NELL1: variants seen among roughly 807,000 people sequenced by gnomAD.
NELL1 encodes neural EGFL like 1.
A neutral mutation model predicts 107.4 loss-of-function variants in NELL1; 76 were observed. The ratio of observed to expected loss-of-function variants is 0.71; its 90% CI spans 0.59 to 0.86. The LOEUF is 0.86. NELL1 is among the 40% of genes least tolerant of loss of function. The pLI is 0.00. For missense variants in NELL1, 1,024 were observed against 1,005.5 expected (o/e 1.02, Z -0.25); for synonymous variants, 353 against 341.2 (o/e 1.03, Z -0.38).
rs570444032 is a variant in NELL1 at position 21,194,554 on chromosome 11, G to A, written c.1427-34778G>A. Among the ~76,000 whole-genome samples, 10 of 152,208 alleles carry A rather than the reference G, an allele frequency of 6.6e-5. No individual in the cohort carries two copies. In the East Asian group the frequency reaches 1.7e-3, roughly 26 times the overall value. On this transcript the variant is annotated intron_variant, in intron 13 of 19. Transcript: ENST00000357134. ...GATTTAATATGTGGCCAAGAAGACT[G>A]GGGTGCTAGTCCACACTCTGGATTC...
intron 1 of NELL1, among the ~76,000 whole-genome samples, chr11:20,677,311 G>C (rs972581901): frequency 6.6e-6 from 1 of 152,122 alleles, no homozygotes; most frequent in Admixed American, 6.6e-5. Flanking sequence ...GGTGTTTACT[G>C]GTGGTGGTGG....
chr11:20,759,394 T>A (rs1178251108), intron 2 of NELL1, among the ~76,000 whole-genome samples: 1 of 152,342 alleles, frequency 6.6e-6, no homozygotes, highest in African/African-American at 2.4e-5. Context: ...TTCTACTTAA[T>A]GCTGCTAATG....
At chr11:21,317,101 T>G (rs1849895721) in intron 14 of NELL1, among the ~76,000 whole-genome samples, 1 of 152,128 alleles carries the variant, frequency 6.6e-6, no homozygotes, top group African/African-American at 2.4e-5. Flanking sequence ...TCATAATAAT[T>G]AACACATATA....
intron 5 of NELL1, among the ~76,000 whole-genome samples, chr11:20,907,128 C>G (rs1046123435): frequency 6.6e-6 from 1 of 150,434 alleles, no homozygotes; most frequent in African/African-American, 2.4e-5. Context: ...TCAAAATCAA[C>G]TAACATTCTA....
chr11:20,985,506 A>G (rs1174426820), intron 12 of NELL1, among the ~76,000 whole-genome samples: 1 of 152,192 alleles, frequency 6.6e-6, no homozygotes, highest in African/African-American at 2.4e-5. Context: ...CTAATTAAAT[A>G]AATCATAAAG....
chr11:20,760,347 G>A (rs562064757), intron 2 of NELL1, among the ~76,000 whole-genome samples: 25 of 152,314 alleles, frequency 1.6e-4, no homozygotes, highest in African/African-American at 6.0e-4. Flanking sequence ...AGTGTGGCTG[G>A]TCCAATTCTC....
At chr11:20,875,788 A>G (rs1393615382) in intron 4 of NELL1, among the ~76,000 whole-genome samples, 1 of 152,204 alleles carries the variant, frequency 6.6e-6, no homozygotes, top group African/African-American at 2.4e-5. Flanking sequence ...GATATTAAGG[A>G]CATAAAATAT....
At chr11:20,812,170 C>T (rs745387425) in intron 3 of NELL1, among the ~76,000 whole-genome samples, 1 of 152,070 alleles carries the variant, frequency 6.6e-6, no homozygotes, top group African/African-American at 2.4e-5. Context: ...TTATAAAACA[C>T]GTTTTCTGCA....
chr11:21,377,224 T>C (rs1851501774), intron 15 of NELL1, among the ~76,000 whole-genome samples: 1 of 152,132 alleles, frequency 6.6e-6, no homozygotes, highest in East Asian at 1.9e-4. Context: ...GTTCCTACAA[T>C]GGCTAGTCTG....
At chr11:21,080,199 G>C (rs140540194) in intron 12 of NELL1, among the ~76,000 whole-genome samples, 2,427 of 151,714 alleles carry the variant, frequency 0.016, 28 homozygotes, top group Non-Finnish European at 0.025. Context: ...TAAATATAAT[G>C]GCTTTATTTT....
At chr11:21,097,614 C>T (rs533949207) in intron 12 of NELL1, among the ~76,000 whole-genome samples, 1 of 152,000 alleles carries the variant, frequency 6.6e-6, no homozygotes, top group South Asian at 2.1e-4. Flanking sequence ...GCCGAGGGAA[C>T]AGATGTGAGT....
intron 15 of NELL1, among the ~76,000 whole-genome samples, chr11:21,410,255 A>G (rs1852343031): frequency 6.6e-6 from 1 of 152,074 alleles, no homozygotes; most frequent in Non-Finnish European, 1.5e-5. Flanking sequence ...CAGTGCATCA[A>G]GTATTCACTA....
intron 14 of NELL1, among the ~76,000 whole-genome samples, chr11:21,314,864 C>CTTTTTTTTTT (rs750358102): frequency 6.9e-6 from 1 of 144,720 alleles, no homozygotes; most frequent in African/African-American, 2.5e-5. Context: ...AGCAAGAGGG[C>CTTTTTTTTTT]TTTTTTTTTT....
chr11:20,719,101 A>G (rs1855318567), intron 2 of NELL1, among the ~76,000 whole-genome samples: 1 of 152,228 alleles, frequency 6.6e-6, no homozygotes, highest in African/African-American at 2.4e-5. Context: ...GGCCTCCCCT[A>G]GGAAAAGACA....
At chr11:21,229,538 C>A (rs117934662) in intron 14 of NELL1, 84 bp downstream of exon 14, 4 of 1,569,236 alleles carry the variant, frequency 2.5e-6, no homozygotes, top group Non-Finnish European at 3.5e-6. Context: ...TTCTTGGTAA[C>A]TCTTGGTGGA....
intron 15 of NELL1, among the ~76,000 whole-genome samples, chr11:21,499,803 AG>A (rs1253195059): frequency 2.0e-5 from 3 of 152,170 alleles, no homozygotes; most frequent in Non-Finnish European, 4.4e-5. Context: ...TTGAGTGCCA[AG>A]GTTGCCAGTA....
intron 14 of NELL1, among the ~76,000 whole-genome samples, chr11:21,274,438 A>G (rs1313836204): frequency 6.6e-6 from 1 of 152,188 alleles, no homozygotes; most frequent in East Asian, 1.9e-4. Flanking sequence ...AGACTCCCAC[A>G]CAATAACAAT....
At chr11:20,783,023 T>C (rs1225060048) in intron 2 of NELL1, among the ~76,000 whole-genome samples, 1 of 152,228 alleles carries the variant, frequency 6.6e-6, no homozygotes, top group African/African-American at 2.4e-5. Flanking sequence ...AAGTCATCCA[T>C]TGCATGCTTA....
At chr11:20,737,324 T>G (rs1161422340) in intron 2 of NELL1, among the ~76,000 whole-genome samples, 4 of 152,086 alleles carry the variant, frequency 2.6e-5, no homozygotes, top group African/African-American at 9.7e-5. Flanking sequence ...GTATCTGTTT[T>G]CAGATATATC....
Sources: gnomAD v4.1 joint callset for allele counts (sites outside exome capture counted in the v4.1 genomes callset) on GRCh38, gnomAD v4.1.1 for gene constraint, MANE v1.5 for transcripts, NCBI Gene and HGNC (gene_info 2026-07-23, HGNC 2026-07-21) for gene names.